Variants in KAZN observed in about 807,000 individuals in gnomAD.
KAZN encodes the protein kazrin.
In KAZN, 40 loss-of-function variants were observed where a neutral mutation model predicts 87.4. That is an observed-to-expected ratio of 0.46 (90% CI 0.36 to 0.60). The LOEUF is 0.60. KAZN is among the 20% of genes least tolerant of loss of function. The pLI is 0.00. For synonymous variants in KAZN, 466 were observed against 458.3 expected, an observed-to-expected ratio of 1.02 and a Z score of -0.22; for missense variants, 898 against 1,073.9, an observed-to-expected ratio of 0.84 and a Z score of 2.29.
chr1:14,434,598 G>T (rs1666271526), intron 2 of KAZN, among the ~76,000 whole-genome samples: 1 of 152,202 alleles, frequency 6.6e-6, no homozygotes, highest in Non-Finnish European at 1.5e-5. Context: ...AGCTGGCTGA[G>T]AACACTGGGC....
At chr1:14,719,178 G>A (rs1642962721) in intron 1 of KAZN, among the ~76,000 whole-genome samples, 1 of 152,160 alleles carries the variant, frequency 6.6e-6, no homozygotes, top group South Asian at 2.1e-4. Flanking sequence ...CAGCATACAA[G>A]GTAGTAGGCA....
At chr1:14,866,369 G>A (rs1651459623) in intron 1 of KAZN, among the ~76,000 whole-genome samples, 1 of 152,172 alleles carries the variant, frequency 6.6e-6, no homozygotes, top group Non-Finnish European at 1.5e-5. Context: ...TAAGCTCCTG[G>A]TCAAGGTCTA....
intron 1 of KAZN, among the ~76,000 whole-genome samples, chr1:14,739,681 G>C (rs1454456303): frequency 6.7e-6 from 1 of 150,020 alleles, no homozygotes; most frequent in Non-Finnish European, 1.5e-5. Flanking sequence ...TTTTTGTATT[G>C]TTTGAAGTTC....
intron 1 of KAZN, among the ~76,000 whole-genome samples, chr1:14,943,010 GT>G (rs35262411): frequency 7.8e-5 from 6 of 76,642 alleles, no homozygotes; most frequent in South Asian, 5.0e-4. Context: ...TGTGTGTGGT[GT>G]GTGTGTGTGT....
intron 1 of KAZN, among the ~76,000 whole-genome samples, chr1:14,948,892 C>G (rs537602349): frequency 6.9e-4 from 105 of 152,242 alleles, no homozygotes; most frequent in African/African-American, 2.4e-3. Flanking sequence ...CATGGTGGCT[C>G]ATGCCTGTAA....
intron 2 of KAZN, among the ~76,000 whole-genome samples, chr1:14,229,976 C>T (rs151245300): frequency 1.3e-5 from 2 of 152,354 alleles, no homozygotes; most frequent in East Asian, 1.9e-4. Context: ...TCCAGACCCA[C>T]GTTCTCCGAG....
chr1:14,801,702 T>G (rs1646031573), intron 1 of KAZN, among the ~76,000 whole-genome samples: 2 of 151,766 alleles, frequency 1.3e-5, no homozygotes, highest in Admixed American at 6.6e-5. Flanking sequence ...GTTTTTTTTT[T>G]GAGTGGAGTC....
At chr1:14,786,450 G>A (rs559497867) in intron 1 of KAZN, among the ~76,000 whole-genome samples, 1 of 152,224 alleles carries the variant, frequency 6.6e-6, no homozygotes, top group African/African-American at 2.4e-5. Flanking sequence ...TTCCTCAATC[G>A]TACGTCCTTT....
At chr1:14,977,771 C>T (rs1665799449) in intron 2 of KAZN, among the ~76,000 whole-genome samples, 1 of 152,162 alleles carries the variant, frequency 6.6e-6, no homozygotes, top group Non-Finnish European at 1.5e-5. Context: ...GGTCTGCCCA[C>T]GAAGCCAAGC....
intron 2 of KAZN, among the ~76,000 whole-genome samples, chr1:14,433,633 G>A (rs1666209117): frequency 6.6e-6 from 1 of 152,180 alleles, no homozygotes; most frequent in South Asian, 2.1e-4. Flanking sequence ...CAAGGCAGGT[G>A]GATCACCAGA....
intron 1 of KAZN, among the ~76,000 whole-genome samples, chr1:14,045,206 A>G (rs1159196553): frequency 6.6e-6 from 1 of 152,162 alleles, no homozygotes; most frequent in South Asian, 2.1e-4. Context: ...TCAGGACCCA[A>G]ATGAAAGTGT....
intron 2 of KAZN, among the ~76,000 whole-genome samples, chr1:14,999,400 G>T (rs757091857): frequency 7.2e-5 from 11 of 152,182 alleles, no homozygotes; most frequent in Non-Finnish European, 1.3e-4. Flanking sequence ...AGGAGAGCAT[G>T]GGAGGCCCTG....
intron 1 of KAZN, among the ~76,000 whole-genome samples, chr1:14,021,512 G>A (rs770835743): frequency 2.0e-5 from 3 of 152,194 alleles, no homozygotes; most frequent in Non-Finnish European, 4.4e-5. Context: ...CCCCTTGACA[G>A]CTAATGAAGA....
rs1324566402 is a variant in KAZN, at chr1:15,051,918, G to C, written c.727-4173G>C. Among the ~76,000 whole-genome samples the C allele has an allele frequency of 2.6e-5, 4 of 152,240 alleles. No homozygotes were observed. In the East Asian group the frequency reaches 7.7e-4, roughly 29 times the overall value. On this transcript the variant is annotated intron_variant, in intron 4 of 14. Coordinates refer to ENST00000376030, the MANE Select transcript of KAZN (RefSeq NM_201628.3). ...AGAAATGGAGTTTGAAACTAGTTCT[G>C]TCTGACTTTTGTCAAATGGATGCAT...
At chr1:14,620,910 C>G (rs1368026318) in intron 1 of KAZN, among the ~76,000 whole-genome samples, 2 of 152,188 alleles carry the variant, frequency 1.3e-5, no homozygotes, top group African/African-American at 4.8e-5. Context: ...GAAAGTGTCC[C>G]CATCATCATC....
chr1:14,352,106 A>G lies in KAZN; in HGVS notation c.249+171514A>G, dbSNP rs190424085. 3.3e-3 allele frequency among the ~76,000 whole-genome samples: 510 copies of G among 152,342 alleles called. 2 individuals are homozygous for G. The highest frequency in any genetic ancestry group is 0.012 in the African/African-American group (481 of 41,580). On this transcript the variant is annotated intron_variant, in intron 2 of 16. Coordinates refer to the KAZN transcript ENST00000636203. ...AAGTTGAAGCTGCAACATATTTTCA[A>G]GTATCAAATCTTTGTATAATGTTAT...
intron 2 of KAZN, among the ~76,000 whole-genome samples, chr1:14,458,691 C>T (rs777273995): frequency 3.1e-4 from 47 of 152,076 alleles, no homozygotes; most frequent in Admixed American, 1.8e-3. Flanking sequence ...TTGCTGGTGG[C>T]GTTCAAGGGT....
chr1:14,620,300 C>G (rs1678591047), intron 1 of KAZN, among the ~76,000 whole-genome samples: 1 of 152,340 alleles, frequency 6.6e-6, no homozygotes, highest in Middle Eastern at 3.4e-3. Context: ...CTGATAAGAT[C>G]ACCCATTTCT....
intron 1 of KAZN, among the ~76,000 whole-genome samples, chr1:14,874,597 G>C (rs944803631): frequency 2.0e-5 from 3 of 152,128 alleles, no homozygotes; most frequent in African/African-American, 4.8e-5. Context: ...CTTGTCACCT[G>C]TGACAGCAAT....
Sources: allele counts gnomAD v4.1 joint callset (sites outside exome capture counted in the v4.1 genomes callset), GRCh38; gene constraint gnomAD v4.1.1; transcripts MANE v1.5; gene names NCBI Gene and HGNC (gene_info 2026-07-23, HGNC 2026-07-21).